Variants in PDE6C observed in about 807,000 individuals in gnomAD.
The protein encoded by PDE6C is cone cGMP-specific 3',5'-cyclic phosphodiesterase subunit alpha'.
PDE6C carries 75 observed loss-of-function variants against 113.1 expected under a neutral mutation model. The observed-to-expected ratio is 0.66, with a 90% CI of 0.55 to 0.80. The LOEUF is 0.80. PDE6C is among the 30% of genes least tolerant of loss of function. The pLI is 0.00. For missense variants in PDE6C, 912 were observed against 1,038.6 expected (o/e 0.88, Z 1.67); for synonymous variants, 375 against 363.7 (o/e 1.03, Z -0.35).
chr10:93,665,450 A>C lies in PDE6C; in HGVS notation c.*32A>C. 1.8e-5 allele frequency: 25 copies of C among 1,363,844 alleles called. No homozygotes were observed. The highest frequency in any genetic ancestry group is 2.4e-5 in the Non-Finnish European group (23 of 952,068). The allele number at this position is 1,363,844 out of a possible 1,614,324, so 84.5% of individuals were successfully genotyped here. A position where few individuals can be genotyped will look rare whatever the true frequency, so the allele number is the denominator to read the frequency against. ...CTAACTGGTCTAAACTTCAAATATCATTTTACCTTTGAAGAAAACCAGAAA... is the reference window on the plus strand; with the variant it reads ...CTAACTGGTCTAAACTTCAAATATCCTTTTACCTTTGAAGAAAACCAGAAA... On this transcript the variant is annotated 3_prime_UTR_variant, in exon 22 of 22. Coordinates refer to ENST00000371447, the MANE Select transcript of PDE6C (RefSeq NM_006204.4).
chr10:93,616,564 G>A (rs1209398832), intron 1 of PDE6C, among the ~76,000 whole-genome samples: 1 of 152,128 alleles, frequency 6.6e-6, no homozygotes, highest in Non-Finnish European at 1.5e-5. Flanking sequence ...TTGTCATTAT[G>A]CCAGTAGGCG....
chr10:93,628,754 G>A (rs957776294), intron 7 of PDE6C, among the ~76,000 whole-genome samples: 2 of 152,166 alleles, frequency 1.3e-5, no homozygotes, highest in African/African-American at 4.8e-5. Context: ...GCAATAGTCT[G>A]TGAATTCCAC....
At chr10:93,632,305 T>G (rs1243213658) in intron 8 of PDE6C, among the ~76,000 whole-genome samples, 2 of 152,192 alleles carry the variant, frequency 1.3e-5, no homozygotes, top group Non-Finnish European at 2.9e-5. Context: ...TAAGATAACA[T>G]ATTCACAGGT....
In PDE6C at chr10:93,629,286, A is replaced by G; in HGVS notation, c.1100A>G (p.Asp367Gly). The G allele has an allele frequency of 6.2e-7, 1 of 1,611,512 alleles. No individual in the cohort carries two copies. The highest frequency in any genetic ancestry group is 8.5e-7 in the Non-Finnish European group (1 of 1,177,646). Residue 367 changes from aspartate (D) to glycine (G), a missense_variant, in exon 8 of 22, where the codon GAT becomes GGT. Asp to Gly is a moderately conservative substitution (Grantham distance 94). Transcript: ENST00000371447. Reference sequence around the variant, plus strand: ...TGTAACATGATGAATGCCCCTGCGGATGAATACTTCACATTTCAGGTAACT... The same window carrying G: ...TGTAACATGATGAATGCCCCTGCGGGTGAATACTTCACATTTCAGGTAACT... ...FICNMMNAPA[D>G]EYFTFQKGPV...
At chr10:93,634,636 T>C in intron 8 of PDE6C, 122 bp from the exon 9 acceptor site, 5 of 968,902 alleles carry the variant, frequency 5.2e-6, no homozygotes, top group Non-Finnish European at 8.0e-6. Flanking sequence ...TACCATTGTG[T>C]GAAACTGGGT....
At chr10:93,635,441 C>G in intron 9 of PDE6C, 56 bp from the exon 10 acceptor site, 1 of 1,498,180 alleles carries the variant, frequency 6.7e-7, no homozygotes, top group African/African-American at 1.4e-5. Context: ...ATTGTTGCCT[C>G]CAAACCAATT....
chr10:93,659,384 CTG>C (rs1374409263), intron 18 of PDE6C, among the ~76,000 whole-genome samples: 1 of 152,098 alleles, frequency 6.6e-6, no homozygotes, highest in African/African-American at 2.4e-5. Context: ...CATTGAAACA[CTG>C]TAAATAATTT....
intron 8 of PDE6C, among the ~76,000 whole-genome samples, chr10:93,632,542 A>G (rs1378995287): frequency 6.6e-6 from 1 of 152,218 alleles, no homozygotes; most frequent in African/African-American, 2.4e-5. Flanking sequence ...GGCAAAGCAC[A>G]AGAATATGAA....
chr10:93,653,324 C>T (rs1466135585), intron 15 of PDE6C, among the ~76,000 whole-genome samples: 2 of 152,124 alleles, frequency 1.3e-5, no homozygotes, highest in Non-Finnish European at 2.9e-5. Flanking sequence ...GTACAATAGA[C>T]TTCTGTGAAA....
rs749788702 is a variant in PDE6C at position 93,655,901 on chromosome 10, G to A, written c.2036+41G>A. The A allele has an allele frequency of 2.6e-5, 26 of 1,015,882 alleles. No homozygotes were observed. In the South Asian group the frequency reaches 2.9e-4, roughly 11 times the overall value. 62.9% of individuals were successfully genotyped at this position (1,015,882 alleles called of 1,614,324 possible). The stretch of plus-strand genomic sequence containing the variant: ...TGCACAGTGGAATGCCCTATACTCT[G>A]TGTGGTTTTACCTTCCATAAATTAT... On this transcript the variant is annotated intron_variant, in intron 16 of 21. Transcript: ENST00000371447.
At chr10:93,654,332 C>T (rs1001686546) in intron 15 of PDE6C, among the ~76,000 whole-genome samples, 2 of 152,152 alleles carry the variant, frequency 1.3e-5, no homozygotes, top group African/African-American at 4.8e-5. Context: ...TAGTGTGGTG[C>T]AGAGATTAGG....
chr10:93,640,297 C>G (rs2275227), intron 12 of PDE6C, 81 bp downstream of exon 12: 251,698 of 1,406,188 alleles, frequency 0.18, 23,978 homozygotes, highest in South Asian at 0.24. Flanking sequence ...AAAAGATGGA[C>G]TCAGTTTGAA....
chr10:93,636,944 G>T, intron 10 of PDE6C, 51 bp from the exon 11 acceptor site: 1 of 954,130 alleles, frequency 1.0e-6, no homozygotes, highest in Middle Eastern at 2.1e-4. Flanking sequence ...GGAATCAGAT[G>T]GAAATCTTCT....
chr10:93,653,761 G>A (rs2058620560), intron 15 of PDE6C, among the ~76,000 whole-genome samples: 1 of 152,082 alleles, frequency 6.6e-6, no homozygotes, highest in African/African-American at 2.4e-5. Flanking sequence ...CTTCATTCTA[G>A]CTATTTTAAA....
Position 93,665,759 on chromosome 10 carries a change from C to A in PDE6C, c.*341C>A, listed in dbSNP as rs1488313271. 9.9e-6 allele frequency: 3 copies of A among 301,826 alleles called. No homozygotes were observed. In the East Asian group the frequency reaches 2.7e-4, roughly 28 times the overall value. 18.7% of individuals were successfully genotyped at this position (301,826 alleles called of 1,614,324 possible). On this transcript the variant is annotated 3_prime_UTR_variant, in exon 22 of 22. Coordinates refer to ENST00000371447, the MANE Select transcript of PDE6C (RefSeq NM_006204.4). ...AAGTACCACAGACTGGGTGCTTAACCAATAGAAATGTATTTTCTCAAAGTC... is the reference window on the plus strand; with the variant it reads ...AAGTACCACAGACTGGGTGCTTAACAAATAGAAATGTATTTTCTCAAAGTC...
At chr10:93,629,798 C>G (rs2058491221) in intron 8 of PDE6C, among the ~76,000 whole-genome samples, 1 of 152,140 alleles carries the variant, frequency 6.6e-6, no homozygotes, top group African/African-American at 2.4e-5. Flanking sequence ...AGGTGGAGCT[C>G]AGACGGTAAT....
chr10:93,624,837 G>A (rs979697252), intron 4 of PDE6C, among the ~76,000 whole-genome samples: 1 of 152,150 alleles, frequency 6.6e-6, no homozygotes, highest in Non-Finnish European at 1.5e-5. Context: ...TTTCTTCCTG[G>A]CAAGGTCTCT....
At chr10:93,626,952 G>A in intron 7 of PDE6C, 81 bp downstream of exon 7, 1 of 1,248,318 alleles carries the variant, frequency 8.0e-7, no homozygotes, top group Non-Finnish European at 1.1e-6. Flanking sequence ...AATTGTGAAA[G>A]CAAGAATGCA....
intron 8 of PDE6C, among the ~76,000 whole-genome samples, chr10:93,632,627 C>T (rs1326219): frequency 6.6e-6 from 1 of 151,736 alleles, no homozygotes; most frequent in Non-Finnish European, 1.5e-5. Flanking sequence ...TTAACAAATA[C>T]GCATGAAGTT....
Sources: allele counts gnomAD v4.1 joint callset (sites outside exome capture counted in the v4.1 genomes callset), GRCh38; gene constraint gnomAD v4.1.1; transcripts MANE v1.5; gene names NCBI Gene and HGNC (gene_info 2026-07-23, HGNC 2026-07-21).